PTH2R: variants seen among roughly 807,000 people sequenced by gnomAD.
PTH2R encodes PTH2 receptor.
In PTH2R, 59 loss-of-function variants were observed where a neutral mutation model predicts 60.3. The ratio of observed to expected loss-of-function variants is 0.98; its 90% confidence interval spans 0.79 to 1.22. The LOEUF is 1.22. Ranked by LOEUF, PTH2R falls within the 50% of genes most tolerant of loss-of-function variation. The probability of loss-of-function intolerance (pLI) is 0.00; values close to 1 mark genes in which losing one functional copy is unlikely to be tolerated. For missense variants in PTH2R, 749 were observed against 682.6 expected (o/e 1.10, Z -1.08); for synonymous variants, 256 against 243.8 (o/e 1.05, Z -0.47).
chr2:208,459,993 G>T, intron 9 of PTH2R, 32 bp downstream of exon 9: 1 of 1,588,840 alleles, frequency 6.3e-7, no homozygotes, highest in African/African-American at 1.4e-5. Context: ...GTTAAAAAAG[G>T]GATGAAAAAT....
chr2:208,396,034 AAACCTG>A (rs1701202192), intron 1 of PTH2R, among the ~76,000 whole-genome samples: 1 of 152,182 alleles, frequency 6.6e-6, no homozygotes, highest in African/African-American at 2.4e-5. Context: ...GATCTTTGAC[AAACCTG>A]ACAAAAACAA....
intron 1 of PTH2R, among the ~76,000 whole-genome samples, chr2:208,382,420 G>T: frequency 6.6e-6 from 1 of 152,140 alleles, no homozygotes; most frequent in South Asian, 2.1e-4. Context: ...TACCATACTT[G>T]ATGTTTTAGA....
chr2:208,394,374 G>A (rs1701165487), intron 1 of PTH2R, among the ~76,000 whole-genome samples: 1 of 152,240 alleles, frequency 6.6e-6, no homozygotes, highest in Admixed American at 6.5e-5. Flanking sequence ...GAATAAAAGT[G>A]TTCTTTTAGT....
At chr2:208,406,653 CCCT>C, upstream of PTH2R, among the ~76,000 whole-genome samples, 1 of 152,258 alleles carries the variant, frequency 6.6e-6, no homozygotes, top group South Asian at 2.1e-4. Flanking sequence ...AGATCCTTTG[CCCT>C]CCGCCCCCTG....
At chr2:208,423,290 AT>A (rs1294439365) in intron 1 of PTH2R, among the ~76,000 whole-genome samples, 1 of 151,546 alleles carries the variant, frequency 6.6e-6, no homozygotes, top group African/African-American at 2.4e-5. Context: ...GTTGTTTTGT[AT>A]TTTCATTCAG....
intron 11 of PTH2R, among the ~76,000 whole-genome samples, chr2:208,490,030 A>G (rs955619032): frequency 2.6e-5 from 4 of 152,090 alleles, no homozygotes; most frequent in African/African-American, 9.7e-5. Context: ...TACATCCACT[A>G]CATTACTCTT....
At chr2:208,435,463 A>G (rs1460218332) in intron 2 of PTH2R, among the ~76,000 whole-genome samples, 1 of 152,156 alleles carries the variant, frequency 6.6e-6, no homozygotes, top group Non-Finnish European at 1.5e-5. Flanking sequence ...CGGGCCCTTT[A>G]AAGTGGAAGA....
chr2:208,493,101 G>T (rs1357380434), intron 12 of PTH2R, among the ~76,000 whole-genome samples, 163 bp from the exon 13 acceptor site: 1 of 152,122 alleles, frequency 6.6e-6, no homozygotes, highest in African/African-American at 2.4e-5. Flanking sequence ...TGTCTTGAAG[G>T]TTTTTTGAGG....
intron 1 of PTH2R, among the ~76,000 whole-genome samples, chr2:208,381,261 A>T (rs1481363157): frequency 1.1e-4 from 16 of 151,412 alleles, no homozygotes; most frequent in Admixed American, 9.9e-4. Context: ...ATATCCAGTT[A>T]AAAAAAAATC....
intron 2 of PTH2R, among the ~76,000 whole-genome samples, chr2:208,431,798 C>G (rs1245092806): frequency 1.3e-5 from 2 of 152,190 alleles, no homozygotes; most frequent in Non-Finnish European, 2.9e-5. Context: ...CTGAACACCA[C>G]CAAAACTCTA....
intron 10 of PTH2R, among the ~76,000 whole-genome samples, chr2:208,484,057 C>G (rs1703219977): frequency 6.6e-6 from 1 of 152,198 alleles, no homozygotes; most frequent in Non-Finnish European, 1.5e-5. Flanking sequence ...TTAAACTTAT[C>G]TTCCATTCTG....
rs752759764 is a variant in PTH2R, at chr2:208,459,956, A to T, written c.976A>T (p.Ile326Phe). 2 of 1,612,794 alleles carry T rather than the reference A, an allele frequency of 1.2e-6. No homozygotes were observed. The highest frequency in any genetic ancestry group is 1.7e-4 in the Middle Eastern group (1 of 6,056). ...TTATCAAGCACCGATCTTAGCAGCTATTGGGGTAAGTTTAAAAGTTTGTAT... is the reference window on the plus strand; with the variant it reads ...TTATCAAGCACCGATCTTAGCAGCTTTTGGGGTAAGTTTAAAAGTTTGTAT... The part of the protein sequence containing the change: ...WIYQAPILAA[I>F]GLNFILFLNT... The change falls in exon 9 of 13, where the codon ATT (isoleucine) becomes TTT (phenylalanine). Residue 326 changes from isoleucine to phenylalanine, a missense_variant. Coordinates refer to ENST00000272847, the MANE Select transcript of PTH2R (RefSeq NM_005048.4).
At chr2:208,434,934 G>T (rs1221983408) in intron 2 of PTH2R, among the ~76,000 whole-genome samples, 2 of 152,204 alleles carry the variant, frequency 1.3e-5, no homozygotes, top group African/African-American at 4.8e-5. Context: ...CTCCTGCCTT[G>T]CCTGTGATAT....
intron 7 of PTH2R, 110 bp downstream of exon 7, chr2:208,444,997 C>T: frequency 8.7e-7 from 1 of 1,151,252 alleles, no homozygotes. Context: ...CAATCCCTCC[C>T]ATTCTTATTT....
At chr2:208,420,836 T>C (rs1701740216) in intron 1 of PTH2R, among the ~76,000 whole-genome samples, 1 of 152,364 alleles carries the variant, frequency 6.6e-6, no homozygotes, top group African/African-American at 2.4e-5. Flanking sequence ...ATTTAGTTTA[T>C]GCAGTTTTAT....
intron 1 of PTH2R, among the ~76,000 whole-genome samples, chr2:208,366,563 C>T (rs1439863627): frequency 6.6e-6 from 1 of 152,158 alleles, no homozygotes; most frequent in Non-Finnish European, 1.5e-5. Flanking sequence ...CCATGAACTC[C>T]TATGTCATTC....
intron 9 of PTH2R, among the ~76,000 whole-genome samples, chr2:208,478,489 A>G (rs1156639013): frequency 6.6e-6 from 1 of 151,810 alleles, no homozygotes; most frequent in Non-Finnish European, 1.5e-5. Context: ...CCACATCCTC[A>G]CTCGAACACC....
intron 9 of PTH2R, among the ~76,000 whole-genome samples, chr2:208,471,835 A>G (rs1056920091): frequency 1.3e-5 from 2 of 152,214 alleles, no homozygotes; most frequent in Non-Finnish European, 2.9e-5. Context: ...CCAGCTTGTG[A>G]AAGAAGCAGG....
intron 11 of PTH2R, among the ~76,000 whole-genome samples, 170 bp downstream of exon 11, chr2:208,489,320 T>C (rs1057451781): frequency 3.9e-5 from 6 of 152,166 alleles, no homozygotes; most frequent in Non-Finnish European, 7.3e-5. Flanking sequence ...TTCTGTCCTA[T>C]AGAGGTCAGG....
Sources: allele counts gnomAD v4.1 joint callset (sites outside exome capture counted in the v4.1 genomes callset), GRCh38; gene constraint gnomAD v4.1.1; transcripts MANE v1.5; gene names NCBI Gene and HGNC (gene_info 2026-07-23, HGNC 2026-07-21).